The following IKZF1 variants were observed in gnomAD, a reference collection of about 807,000 sequenced individuals.
The protein encoded by IKZF1 is IKAROS family zinc finger 1.
IKZF1 carries 10 observed loss-of-function variants against 51.7 expected under a neutral mutation model. That is an observed-to-expected ratio of 0.19 (90% CI 0.12 to 0.33). The LOEUF is 0.33. Among genes scored for constraint, IKZF1 ranks in the 10% least tolerant of loss-of-function variants. The pLI, the probability that IKZF1 is intolerant of heterozygous loss-of-function variation, is 1.00. For missense variants in IKZF1, 484 were observed against 707.5 expected (o/e 0.68, Z 3.58); for synonymous variants, 280 against 282.3 (o/e 0.99, Z 0.08).
chr7:50,345,691 GA>G (rs1222997578), intron 3 of IKZF1, among the ~76,000 whole-genome samples: 2 of 151,482 alleles, frequency 1.3e-5, no homozygotes, highest in East Asian at 1.9e-4. Context: ...TTGGCAGAAA[GA>G]AAAAAAAGGT....
At chr7:50,393,972 G>A (rs1815967886) in intron 7 of IKZF1, 1 of 232,544 alleles carries the variant, frequency 4.3e-6, no homozygotes, top group Non-Finnish European at 8.5e-6. Flanking sequence ...TTGGAGACTT[G>A]AAACCAAAGG....
At chr7:50,320,603 T>C (rs1792950652) in intron 2 of IKZF1, among the ~76,000 whole-genome samples, 1 of 152,178 alleles carries the variant, frequency 6.6e-6, no homozygotes, top group Non-Finnish European at 1.5e-5. Context: ...CTTTCCAGCC[T>C]CTATTAGCCT....
intron 3 of IKZF1, among the ~76,000 whole-genome samples, chr7:50,352,543 T>C (rs1264724312): frequency 6.6e-6 from 1 of 152,228 alleles, no homozygotes; most frequent in Non-Finnish European, 1.5e-5. Flanking sequence ...CTAGCTGATA[T>C]GGATGATGTG....
At chr7:50,358,731 G>C (rs186645860) in intron 3 of IKZF1, among the ~76,000 whole-genome samples, 6 of 152,124 alleles carry the variant, frequency 3.9e-5, no homozygotes, top group African/African-American at 1.4e-4. Context: ...TATACAGCAC[G>C]GGGCTTTTTA....
At chr7:50,367,790 C>T in intron 3 of IKZF1, 1 of 537,676 alleles carries the variant, frequency 1.9e-6, no homozygotes, top group Non-Finnish European at 3.3e-6. Flanking sequence ...GGATATAATG[C>T]TGTGAGTTGA....
intron 3 of IKZF1, among the ~76,000 whole-genome samples, chr7:50,361,423 A>G (rs1227722446): frequency 6.6e-6 from 1 of 152,196 alleles, no homozygotes; most frequent in Non-Finnish European, 1.5e-5. Flanking sequence ...AATATCCCTA[A>G]GCCTGTTCTT....
At chr7:50,346,619 T>G (rs1293526445) in intron 3 of IKZF1, among the ~76,000 whole-genome samples, 1 of 152,182 alleles carries the variant, frequency 6.6e-6, no homozygotes, top group African/African-American at 2.4e-5. Context: ...CCTAGAACAT[T>G]GCACCCAAAG....
At chr7:50,381,261 C>T (rs1399061124) in intron 4 of IKZF1, among the ~76,000 whole-genome samples, 2 of 152,074 alleles carry the variant, frequency 1.3e-5, no homozygotes, top group African/African-American at 2.4e-5. Context: ...ATTAATCAAT[C>T]GGGAAATGGT....
At chr7:50,387,551 T>G (rs1584956094) in intron 6 of IKZF1, 81 bp downstream of exon 6, 2 of 1,479,020 alleles carry the variant, frequency 1.4e-6, no homozygotes, top group African/African-American at 2.8e-5. Context: ...GCATGCAGCC[T>G]TAGGAGCAGA....
At chr7:50,312,599 G>T (rs1016301992) in intron 1 of IKZF1, among the ~76,000 whole-genome samples, 1 of 152,222 alleles carries the variant, frequency 6.6e-6, no homozygotes, top group Non-Finnish European at 1.5e-5. Flanking sequence ...CATTTAAAAT[G>T]TTCTGTTTCT....
intron 6 of IKZF1, among the ~76,000 whole-genome samples, chr7:50,390,145 G>C (rs565089541): frequency 1.4e-3 from 206 of 152,322 alleles, no homozygotes; most frequent in African/African-American, 4.6e-3. Context: ...TGACAGAGCA[G>C]CCTGTGACTC....
chr7:50,342,897 G>A (rs2153418436), intron 3 of IKZF1, among the ~76,000 whole-genome samples: 1 of 152,302 alleles, frequency 6.6e-6, no homozygotes, highest in South Asian at 2.1e-4. Context: ...CATTTCCTGA[G>A]TACACCATGA....
chr7:50,383,155 G>T (rs990870906), intron 5 of IKZF1, among the ~76,000 whole-genome samples: 3 of 152,182 alleles, frequency 2.0e-5, no homozygotes, highest in Admixed American at 1.3e-4. Flanking sequence ...TTGCAGAGCT[G>T]GTAGAGAAGG....
At chr7:50,346,283 G>A (rs543765071) in intron 3 of IKZF1, among the ~76,000 whole-genome samples, 25 of 152,294 alleles carry the variant, frequency 1.6e-4, no homozygotes, top group Admixed American at 5.2e-4. Flanking sequence ...ATCCTTAACA[G>A]GTGATCACCT....
Position 50,319,090 on chromosome 7 carries a change from C to T in IKZF1, c.29C>T (p.Ser10Phe). 1.2e-6 allele frequency: 2 copies of T among 1,613,562 alleles called. No homozygotes were observed. Among genetic ancestry groups the T allele is most frequent in the Non-Finnish European group, 1.7e-6 (2 of 1,179,572 alleles). The stretch of plus-strand genomic sequence containing the variant: ...GATGCTGATGAGGGTCAAGACATGT[C>T]CCAAGTTTCAGGTGAGACCTTATGA... MDADEGQDM[S>F]QVSGKESPPV... is the part of the protein sequence containing the mutation. The change falls in exon 2 of 8, where the codon TCC (serine) becomes TTC (phenylalanine). Residue 10 changes from serine (S) to phenylalanine (F), a missense_variant. Physicochemically the swap from Ser to Phe is radical, Grantham distance 155 (BLOSUM62 -2). Transcript: ENST00000331340.
chr7:50,322,255 G>A (rs976983129), intron 2 of IKZF1, among the ~76,000 whole-genome samples: 13 of 152,136 alleles, frequency 8.5e-5, no homozygotes, highest in African/African-American at 3.1e-4. Context: ...CCAAGATTAT[G>A]TTATAGATTA....
intron 3 of IKZF1, among the ~76,000 whole-genome samples, chr7:50,353,488 C>A (rs1802408676): frequency 6.6e-6 from 1 of 152,196 alleles, no homozygotes; most frequent in African/African-American, 2.4e-5. Context: ...TGCCCTCCTC[C>A]CTCTATCCTC....
intron 1 of IKZF1, among the ~76,000 whole-genome samples, chr7:50,307,815 A>T (rs1447656671): frequency 2.0e-5 from 3 of 152,144 alleles, no homozygotes; most frequent in Non-Finnish European, 4.4e-5. Flanking sequence ...ACACACACAC[A>T]CTTAAAATTC....
Position 50,400,678 on chromosome 7 carries a change from A to G in IKZF1, c.*51A>G, listed in dbSNP as rs1817956383. 1 of 1,554,104 alleles carries G rather than the reference A, an allele frequency of 6.4e-7. No homozygotes were observed. The highest frequency in any genetic ancestry group is 1.2e-5 in the South Asian group (1 of 86,406). On this transcript the variant is annotated 3_prime_UTR_variant, in exon 8 of 8. Transcript: ENST00000331340. This position sits in a 1 kb window ranked among gnomAD's most constrained non-coding sequence, Gnocchi z 5.4. ...CCCCGAGCCACCCCAGGAAAAGCAC[A>G]AGGACTGCCGCCTTCTCGCTCCCGC...
Sources: allele counts gnomAD v4.1 joint callset (sites outside exome capture counted in the v4.1 genomes callset), GRCh38; gene constraint gnomAD v4.1.1; non-coding constraint Gnocchi (gnomAD v3.1); transcripts MANE v1.5; gene names NCBI Gene and HGNC (gene_info 2026-07-23, HGNC 2026-07-21).